The following PRDM13 variants were observed in gnomAD, a reference collection of about 807,000 sequenced individuals.
PRDM13 encodes PR/SET domain 13.
Under a neutral mutation model 36.4 loss-of-function variants are expected in PRDM13, and 15 were observed. The ratio of observed to expected loss-of-function variants is 0.41; its 90% CI spans 0.28 to 0.64. The LOEUF is 0.64. Among genes scored for constraint, PRDM13 ranks in the 30% least tolerant of loss-of-function variants. PRDM13 has a pLI of 0.29. For missense variants in PRDM13, 1,044 were observed against 1,013.5 expected (o/e 1.03, Z -0.41); for synonymous variants, 531 against 467.7 (o/e 1.14, Z -1.75).
At position 99,607,161 on chromosome 6, in the gene PRDM13, C is replaced by A. The variant is rs368613935; in HGVS notation, c.127C>A (p.Pro43Thr). 3 of 1,613,662 alleles carry A rather than the reference C, an allele frequency of 1.9e-6. No homozygotes were observed. In the African/African-American group the frequency reaches 4.0e-5, roughly 22 times the overall value. Residue 43 changes from proline (P) to threonine (T), a missense_variant, in exon 1 of 4, where the codon CCC becomes ACC. Coordinates refer to ENST00000369215, the MANE Select transcript of PRDM13 (RefSeq NM_021620.4). Reference protein sequence around the residue: ...LGKYLSDRREPGPKKKVRMVR... With the variant: ...LGKYLSDRRETGPKKKVRMVR... ...CAAGTACCTGTCAGACCGCAGGGAG[C>A]CCGGGCCTAAGAAAAAGGTATTGAC...
In PRDM13 at chr6:99,615,436, T is replaced by G. The variant is rs1394135126; in HGVS notation, c.*677T>G. ...ACGCAATATATAATTTTAAAGAAAA[T>G]ATTCTATTTGGTAGAATACAAATGT... On this transcript the variant is annotated 3_prime_UTR_variant, in exon 4 of 4. Transcript: ENST00000369215. 1 of 152,640 alleles carries G rather than the reference T, an allele frequency of 6.6e-6. No homozygotes were observed. The highest frequency in any genetic ancestry group is 2.4e-5 in the African/African-American group (1 of 41,442). The allele number at this position is 152,640 out of a possible 1,614,324, so 9.5% of individuals were successfully genotyped here.
At chr6:99,609,391 T>C (rs1770000517) in intron 3 of PRDM13, 84 bp downstream of exon 3, 1 of 1,509,582 alleles carries the variant, frequency 6.6e-7, no homozygotes, top group African/African-American at 1.4e-5. Flanking sequence ...TAGCTCGATC[T>C]ATGTAAAATG....
rs1299090894 is a variant in PRDM13, at chr6:99,615,084, C to T, written c.*325C>T. On this transcript the variant is annotated 3_prime_UTR_variant, in exon 4 of 4. Transcript: ENST00000369215. Reference sequence around the variant, plus strand: ...CTTGGTGTTCAGAATCACATCAATGCGAACGTCACAGCGCCTTCGAGGGCG... The same window carrying T: ...CTTGGTGTTCAGAATCACATCAATGTGAACGTCACAGCGCCTTCGAGGGCG... 1.9e-5 allele frequency: 7 copies of T among 370,312 alleles called. No homozygotes were observed. Among genetic ancestry groups the T allele is most frequent in the African/African-American group, 4.2e-5 (2 of 47,776 alleles). 22.9% of individuals were successfully genotyped at this position (370,312 alleles called of 1,614,324 possible).
At chr6:99,609,145 C>T in intron 2 of PRDM13, 42 bp from the exon 3 acceptor site, 1 of 1,606,598 alleles carries the variant, frequency 6.2e-7, no homozygotes, top group Non-Finnish European at 8.5e-7. Flanking sequence ...TGACCGATTA[C>T]CCAGGAAATG....
chr6:99,614,747 G>A lies in PRDM13; in HGVS notation c.2112G>A (p.Glu704=). ...ACCCCGAGGTTGGGGGCGGCGGGGAGCGCGACTTGTAACGAGTCTTCCCGG... is the reference window on the plus strand; with the variant it reads ...ACCCCGAGGTTGGGGGCGGCGGGGAACGCGACTTGTAACGAGTCTTCCCGG... ...QSDPEVGGGG[E]RDL The change falls in exon 4 of 4, where the codon GAG becomes GAA. Residue 704 remains glutamate, a synonymous_variant. Coordinates refer to ENST00000369215, the MANE Select transcript of PRDM13 (RefSeq NM_021620.4). 6.4e-7 allele frequency: 1 copy of A among 1,572,828 alleles called. No homozygotes were observed. The highest frequency in any genetic ancestry group is 8.6e-7 in the Non-Finnish European group (1 of 1,160,090).
Position 99,613,546 on chromosome 6 carries a change from C to A in PRDM13, c.911C>A (p.Ala304Glu). The change falls in exon 4 of 4, where the codon GCG (alanine) becomes GAG (glutamate). Residue 304 changes from alanine to glutamate, a missense_variant. Ala to Glu is a moderately radical substitution (Grantham distance 107). Transcript: ENST00000369215. The surrounding 1 kb of genome is among the most constrained non-coding windows in gnomAD (Gnocchi z 6.1). ...AAGCCCGCCGGCCTAGCGAGGGCGGCGGCGGCCGCTCACGGCGACCCCTAC... is the reference window on the plus strand; with the variant it reads ...AAGCCCGCCGGCCTAGCGAGGGCGGAGGCGGCCGCTCACGGCGACCCCTAC... ...AFKPAGLARA[A>E]AAAHGDPYRE... The A allele has an allele frequency of 6.7e-7, 1 of 1,496,572 alleles. No individual in the cohort carries two copies. 92.7% of individuals were successfully genotyped at this position (1,496,572 alleles called of 1,614,324 possible). A position where few individuals can be genotyped will look rare whatever the true frequency, so the allele number is the denominator to read the frequency against.
intron 2 of PRDM13, 134 bp downstream of exon 2, chr6:99,609,006 C>T: frequency 7.1e-7 from 1 of 1,412,376 alleles, no homozygotes; most frequent in South Asian, 1.5e-5. Flanking sequence ...CTCGACAACC[C>T]TTTAAGGTAG....
intron 3 of PRDM13, among the ~76,000 whole-genome samples, chr6:99,611,431 CT>C (rs1036187013): frequency 6.6e-6 from 1 of 152,038 alleles, no homozygotes; most frequent in African/African-American, 2.4e-5. Context: ...TCTATTCTCT[CT>C]TTTTTTCACG....
intron 2 of PRDM13, 26 bp from the exon 3 acceptor site, chr6:99,609,161 G>A (rs1455673537): frequency 2.5e-6 from 4 of 1,612,006 alleles, no homozygotes; most frequent in Non-Finnish European, 3.4e-6. Context: ...AAATGACATT[G>A]AACTGTTCTA....
At chr6:99,611,133 T>G (rs1159565611) in intron 3 of PRDM13, among the ~76,000 whole-genome samples, 1 of 152,138 alleles carries the variant, frequency 6.6e-6, no homozygotes, top group Non-Finnish European at 1.5e-5. Context: ...AAAGTATATA[T>G]TAAACGTATG....
rs969835828 is a variant in PRDM13 at position 99,614,833 on chromosome 6, T to C, written c.*74T>C. ...TTTATTCTCGCAGTAGAGGAACTCC[T>C]GGTGGTGGGAAGAGGGACCCAATGG... On this transcript the variant is annotated 3_prime_UTR_variant, in exon 4 of 4. Transcript: ENST00000369215. The C allele has an allele frequency of 1.7e-4, 254 of 1,502,568 alleles. 1 individual carries two copies. The highest frequency in any genetic ancestry group is 2.3e-4 in the Middle Eastern group (1 of 4,280). The allele number at this position is 1,502,568 out of a possible 1,614,324, so 93.1% of individuals were successfully genotyped here. A position where few individuals can be genotyped will look rare whatever the true frequency, so the allele number is the denominator to read the frequency against.
intron 3 of PRDM13, among the ~76,000 whole-genome samples, chr6:99,612,800 C>G (rs1770050653): frequency 6.6e-6 from 1 of 152,180 alleles, no homozygotes. Context: ...GTTGGAAAGG[C>G]CCCGTCACCT....
In PRDM13 at chr6:99,613,780, G is replaced by C; in HGVS notation, c.1145G>C (p.Cys382Ser). The stretch of plus-strand genomic sequence containing the variant: ...CCGCCGCCGCCGCCTGGCCTGCCCT[G>C]CTCTGGGGCCCTGCGCGGCTTCCCT... ...PPPPPPPGLP[C>S]SGALRGFPLL... Residue 382 changes from cysteine to serine, a missense_variant, in exon 4 of 4, where the codon TGC (cysteine) becomes TCC (serine). By Grantham distance (112) the Cys-to-Ser change is moderately radical. Coordinates refer to ENST00000369215, the MANE Select transcript of PRDM13 (RefSeq NM_021620.4). The surrounding 1 kb of genome is among the most constrained non-coding windows in gnomAD (Gnocchi z 6.1). 9 of 1,506,218 alleles carry C rather than the reference G, an allele frequency of 6.0e-6. No homozygotes were observed. Among genetic ancestry groups the C allele is most frequent in the African/African-American group, 1.4e-5 (1 of 69,056 alleles). 93.3% of individuals were successfully genotyped at this position (1,506,218 alleles called of 1,614,324 possible).
At position 99,609,257 on chromosome 6, in the gene PRDM13, C is replaced by A; in HGVS notation, c.347C>A (p.Ala116Asp). The change falls in exon 3 of 4, where the codon GCT (alanine) becomes GAT (aspartate). Residue 116 changes from alanine to aspartate, a missense_variant. Physicochemically the swap from Ala to Asp is moderately radical, Grantham distance 126. Around this residue, in one of 3 missense-constraint regions of PRDM13, gnomAD observed 921 missense variants for 865.2 expected, o/e 1.06. Coordinates refer to ENST00000369215, the MANE Select transcript of PRDM13 (RefSeq NM_021620.4). ...ACAGTGTGGTATTCTAACTCCTTGG[C>A]TCAGTGGTTCGACATCCCCACCACA... ...ELTVWYSNSLAQWFDIPTTAT... is the reference protein window; with the variant it reads ...ELTVWYSNSLDQWFDIPTTAT... 1.2e-6 allele frequency: 2 copies of A among 1,613,898 alleles called. No homozygotes were observed. The highest frequency in any genetic ancestry group is 1.7e-6 in the Non-Finnish European group (2 of 1,179,798).
intron 3 of PRDM13, 28 bp downstream of exon 3, chr6:99,609,335 A>G (rs1769999245): frequency 1.2e-6 from 2 of 1,611,980 alleles, no homozygotes. Context: ...GTGGATGGGC[A>G]AAAGTCCAGC....
In PRDM13 at chr6:99,613,754, G is replaced by GCCA. The variant is rs1351478085; in HGVS notation, c.1121_1122insACC (p.Pro378dup). Reference sequence around the variant, plus strand: ...AGTGCCTGCTCGCTGGGGACCCGCCGCCGCCGCCGCCGCCTGGCCTGCCCT... The same window carrying GCCA: ...AGTGCCTGCTCGCTGGGGACCCGCCGCCACCGCCGCCGCCGCCTGGCCTGCCCT... On this transcript the variant is annotated inframe_insertion, in exon 4 of 4. Transcript: ENST00000369215. This position sits in a 1 kb window ranked among gnomAD's most constrained non-coding sequence, Gnocchi z 6.1. 5 of 1,459,404 alleles carry GCCA rather than the reference G, an allele frequency of 3.4e-6. No individual in the cohort carries two copies. The highest frequency in any genetic ancestry group is 4.5e-5 in the Admixed American group (2 of 44,924). The allele number at this position is 1,459,404 out of a possible 1,614,324, so 90.4% of individuals were successfully genotyped here.
chr6:99,614,557 G>A lies in PRDM13; in HGVS notation c.1922G>A (p.Arg641His), dbSNP rs769858022. The change falls in exon 4 of 4, where the codon CGC becomes CAC. Residue 641 changes from arginine (R) to histidine (H), a missense_variant. Arg to His is a conservative substitution (Grantham distance 29). Coordinates refer to ENST00000369215, the MANE Select transcript of PRDM13 (RefSeq NM_021620.4). ...GAGTTCTGCGGCAAGGTACTTGTGC[G>A]CCGCCGGGACCTGGAGCGACATGTC... Reference protein sequence around the residue: ...RCEFCGKVLVRRRDLERHVKS... With the variant: ...RCEFCGKVLVHRRDLERHVKS... 6.2e-7 allele frequency: 1 copy of A among 1,612,842 alleles called. No homozygotes were observed. Among genetic ancestry groups the A allele is most frequent in the South Asian group, 1.1e-5 (1 of 91,070 alleles).
In PRDM13 at chr6:99,607,219, T is replaced by G. The variant is rs554413882; in HGVS notation, c.144+41T>G. The G allele has an allele frequency of 5.1e-5, 82 of 1,605,010 alleles. 1 individual carries two copies. The South Asian group carries it at 7.7e-4, about 15-fold the overall frequency. The stretch of plus-strand genomic sequence containing the variant: ...ACCTCTGCCCACTGCCATTCGCCTC[T>G]CAGTGCCCTGACCCGGGAAAGGGGT... On this transcript the variant is annotated intron_variant, in intron 1 of 3. Transcript: ENST00000369215.
rs1350658045 is a variant in PRDM13, at chr6:99,613,240, C to T, written c.605C>T (p.Pro202Leu). Reference sequence around the variant, plus strand: ...CCCCCGGCGCCCGATTTCGCCGCGCCTTCCCAGGCAGGAACTTTGCGACCC... The same window carrying T: ...CCCCCGGCGCCCGATTTCGCCGCGCTTTCCCAGGCAGGAACTTTGCGACCC... ...PKPPAPDFAA[P>L]SQAGTLRPHP... is the part of the protein sequence containing the mutation. Residue 202 changes from proline to leucine, a missense_variant, in exon 4 of 4, where the codon CCT becomes CTT. Pro to Leu is a moderately conservative substitution (Grantham distance 98, BLOSUM62 -3). Around this residue, in one of 3 missense-constraint regions of PRDM13, gnomAD observed 921 missense variants for 865.2 expected, o/e 1.06. Transcript: ENST00000369215. This position sits in a 1 kb window ranked among gnomAD's most constrained non-coding sequence, Gnocchi z 6.1. The T allele has an allele frequency of 2.5e-6, 4 of 1,610,728 alleles. No homozygotes were observed. The highest frequency in any genetic ancestry group is 1.3e-5 in the African/African-American group (1 of 75,018).
Sources: gnomAD v4.1 joint callset for allele counts (sites outside exome capture counted in the v4.1 genomes callset) on GRCh38, gnomAD v4.1.1 for gene constraint, gnomAD v4.1.1 regional missense constraint, Gnocchi (gnomAD v3.1) non-coding constraint, MANE v1.5 for transcripts, NCBI Gene and HGNC (gene_info 2026-07-23, HGNC 2026-07-21) for gene names.